CACNA1C: variants seen among roughly 807,000 people sequenced by gnomAD.
CACNA1C encodes the protein calcium voltage-gated channel subunit alpha1 C, also known as voltage-dependent L-type calcium channel subunit alpha-1C.
CACNA1C carries 30 observed loss-of-function variants against 229.0 expected under a neutral mutation model. That is an observed-to-expected ratio of 0.13 (90% confidence interval 0.10 to 0.18). The LOEUF (loss-of-function observed/expected upper bound fraction) is 0.18, where lower values mean the gene tolerates loss of function less well. Ranked by LOEUF, CACNA1C falls within the 10% of genes least tolerant of loss-of-function variation. The pLI, the probability that CACNA1C is intolerant of heterozygous loss-of-function variation, is 1.00. For missense variants in CACNA1C, 1,658 were observed against 2,845.0 expected, an observed-to-expected ratio of 0.58 and a Z score of 9.49; for synonymous variants, 1,114 against 1,132.5, an observed-to-expected ratio of 0.98 and a Z score of 0.33.
intron 31 of CACNA1C, 131 bp downstream of exon 31, chr12:2,648,638 C>A: frequency 1.3e-6 from 1 of 775,608 alleles, no homozygotes; most frequent in Non-Finnish European, 2.3e-6. Context: ...ACTGTGTCTG[C>A]CGTGTGCCTT....
rs2053048988 is a variant in CACNA1C at position 2,053,636 on chromosome 12, C to CTTTCTCGCGTCCGCCTGGAGAG, written c.49+25_49+26insTTTCTCGCGTCCGCCTGGAGAG. 1 of 1,556,236 alleles carries CTTTCTCGCGTCCGCCTGGAGAG rather than the reference C, an allele frequency of 6.4e-7. No individual in the cohort carries two copies. On this transcript the variant is annotated intron_variant, in intron 1 of 46. Transcript: ENST00000399655. The surrounding 1 kb of genome is among the most constrained non-coding windows in gnomAD (Gnocchi z 5.8). ...GGTAAGGCTGGACCCCGCCGCCTCG[C>CTTTCTCGCGTCCGCCTGGAGAG]CGGGGCTCCCTGCCTTTTCCACCGG...
At chr12:2,388,385 T>G (rs183543621) in intron 3 of CACNA1C, among the ~76,000 whole-genome samples, 3 of 152,352 alleles carry the variant, frequency 2.0e-5, no homozygotes, top group East Asian at 1.9e-4. Flanking sequence ...TGGTAAGCAC[T>G]TCATAGTGTA....
intron 13 of CACNA1C, among the ~76,000 whole-genome samples, chr12:2,580,884 G>A (rs574615524): frequency 6.6e-6 from 1 of 152,312 alleles, no homozygotes; most frequent in South Asian, 2.1e-4. Flanking sequence ...GAATCCTGTA[G>A]GATGCTTGTT....
chr12:2,621,441 CTG>C (rs1259435484), intron 29 of CACNA1C, among the ~76,000 whole-genome samples: 1 of 152,222 alleles, frequency 6.6e-6, no homozygotes, highest in African/African-American at 2.4e-5. Flanking sequence ...GTGAAAAGGA[CTG>C]TGCCAGAGCG....
chr12:2,547,551 GT>G (rs1201644224), intron 9 of CACNA1C: 5 of 778,620 alleles, frequency 6.4e-6, no homozygotes, highest in African/African-American at 5.1e-5. Context: ...CTCTGTGTGT[GT>G]AAATGCGTGT....
At chr12:2,338,121 C>T (rs890241756) in intron 3 of CACNA1C, among the ~76,000 whole-genome samples, 1 of 152,152 alleles carries the variant, frequency 6.6e-6, no homozygotes, top group Non-Finnish European at 1.5e-5. Context: ...CCAGGCAGGA[C>T]TTGGCAGGAG....
chr12:1,998,050 A>G (rs2041349920), intron 1 of CACNA1C: 5 of 1,353,638 alleles, frequency 3.7e-6, no homozygotes, highest in East Asian at 2.4e-5. Flanking sequence ...AAATTCTCAT[A>G]GAATAGGAAT....
At chr12:2,075,963 AGTCAG>A in intron 1 of CACNA1C, among the ~76,000 whole-genome samples, 1 of 152,334 alleles carries the variant, frequency 6.6e-6, no homozygotes, top group Non-Finnish European at 1.5e-5. Flanking sequence ...CAGAGATAAA[AGTCAG>A]GGAGGTGGGT....
rs114485970 is a variant in CACNA1C at position 2,217,187 on chromosome 12, G to A, written c.477+96757G>A. ...AGAAATATGGTATGATTCCACTTATGTGAGGTACCCAGAATAGACAAATTT... is the reference window on the plus strand; with the variant it reads ...AGAAATATGGTATGATTCCACTTATATGAGGTACCCAGAATAGACAAATTT... On this transcript the variant is annotated intron_variant, in intron 3 of 46. Transcript: ENST00000399655. 3.4e-3 allele frequency among the ~76,000 whole-genome samples: 513 copies of A among 152,334 alleles called. 2 individuals carry two copies. The highest frequency in any genetic ancestry group is 0.012 in the African/African-American group (505 of 41,574).
At chr12:2,491,212 A>C (rs2099726997) in intron 6 of CACNA1C, among the ~76,000 whole-genome samples, 1 of 152,190 alleles carries the variant, frequency 6.6e-6, no homozygotes, top group Non-Finnish European at 1.5e-5. Context: ...TCAGGTTGCC[A>C]GGGACTGGGG....
intron 3 of CACNA1C, among the ~76,000 whole-genome samples, chr12:2,380,125 C>T (rs1200005235): frequency 6.6e-6 from 1 of 152,044 alleles, no homozygotes; most frequent in African/African-American, 2.4e-5. Flanking sequence ...TCAGCTTAAG[C>T]ACGTGTTCAA....
intron 34 of CACNA1C, among the ~76,000 whole-genome samples, chr12:2,656,779 C>T (rs2095445735): frequency 1.3e-5 from 2 of 152,186 alleles, no homozygotes; most frequent in African/African-American, 4.8e-5. Context: ...TAAACCCACT[C>T]ATTTACAGCC....
At chr12:2,196,280 C>G (rs1166402331) in intron 3 of CACNA1C, among the ~76,000 whole-genome samples, 1 of 152,178 alleles carries the variant, frequency 6.6e-6, no homozygotes, top group Non-Finnish European at 1.5e-5. Flanking sequence ...CCAGCTTAGT[C>G]TAACAGTTAA....
intron 1 of CACNA1C, among the ~76,000 whole-genome samples, chr12:1,994,497 G>A (rs1291578096): frequency 6.6e-6 from 1 of 152,178 alleles, no homozygotes; most frequent in Admixed American, 6.5e-5. Flanking sequence ...TAAAGTGGTG[G>A]TAAGCATACA....
chr12:2,628,995 C>G (rs1271275904), intron 29 of CACNA1C, among the ~76,000 whole-genome samples: 1 of 152,194 alleles, frequency 6.6e-6, no homozygotes, highest in Non-Finnish European at 1.5e-5. Flanking sequence ...ATAGGCATCT[C>G]TTGGATTTTT....
intron 1 of CACNA1C, chr12:1,991,272 A>G: frequency 2.2e-6 from 1 of 455,758 alleles, no homozygotes; most frequent in Non-Finnish European, 4.4e-6. Context: ...GAAAATGTCT[A>G]CTCCACAAAA....
chr12:1,983,441 T>C (rs942558158), intron 1 of CACNA1C, among the ~76,000 whole-genome samples: 11 of 152,082 alleles, frequency 7.2e-5, no homozygotes, highest in African/African-American at 2.7e-4. Context: ...TTCATTGTTA[T>C]TCAGTTCAAA....
intron 3 of CACNA1C, among the ~76,000 whole-genome samples, chr12:2,301,203 T>C (rs1483289954): frequency 1.3e-5 from 2 of 152,142 alleles, no homozygotes; most frequent in Non-Finnish European, 2.9e-5. Flanking sequence ...GGGTGGGGTG[T>C]AGGCGACAGG....
chr12:2,049,848 T>G (rs532919893), upstream of CACNA1C, among the ~76,000 whole-genome samples: 7 of 152,216 alleles, frequency 4.6e-5, no homozygotes, highest in South Asian at 4.1e-4. Context: ...ATTTGTTACC[T>G]CGAAAGAGCA....
Sources: allele counts gnomAD v4.1 joint callset (sites outside exome capture counted in the v4.1 genomes callset), GRCh38; gene constraint gnomAD v4.1.1; non-coding constraint Gnocchi (gnomAD v3.1); transcripts MANE v1.5; gene names NCBI Gene and HGNC (gene_info 2026-07-23, HGNC 2026-07-21).